ACYP2: variants seen among roughly 807,000 people sequenced by gnomAD.
The protein encoded by ACYP2 is acylphosphatase-2.
Under a neutral mutation model 11.2 loss-of-function variants are expected in ACYP2, and 12 were observed. That is an observed-to-expected ratio of 1.08 (90% confidence interval 0.69 to 1.74). The LOEUF (loss-of-function observed/expected upper bound fraction) is 1.74, where lower values mean the gene tolerates loss of function less well. Ranked by LOEUF, ACYP2 falls within the 40% of genes most tolerant of loss-of-function variation. The pLI is 0.00. For missense variants in ACYP2, 134 were observed against 101.9 expected (o/e 1.31, Z -1.35); for synonymous variants, 43 against 32.2 (o/e 1.33, Z -1.13).
intron 6 of ACYP2, among the ~76,000 whole-genome samples, chr2:54,239,911 TA>T (rs1686658075): frequency 6.6e-6 from 1 of 152,252 alleles, no homozygotes. Context: ...TCTTTATTTT[TA>T]AAATTCTTCT....
At chr2:54,255,425 C>A in intron 6 of ACYP2, 1 of 1,613,992 alleles carries the variant, frequency 6.2e-7, no homozygotes, top group Non-Finnish European at 8.5e-7. Context: ...CGAATGATGT[C>A]ATTCCTCTGC....
intron 2 of ACYP2, among the ~76,000 whole-genome samples, chr2:54,003,950 C>A (rs750286580): frequency 6.6e-6 from 1 of 151,876 alleles, no homozygotes; most frequent in Non-Finnish European, 1.5e-5. Flanking sequence ...CGTAGTGGTA[C>A]CTCTTTGTTT....
At chr2:54,084,673 C>A (rs1025215607) in intron 4 of ACYP2, 1 of 152,158 alleles carries the variant, frequency 6.6e-6, no homozygotes, top group Non-Finnish European at 1.5e-5. Context: ...CATTCACAAC[C>A]ACTGAAGCCA....
intron 6 of ACYP2, among the ~76,000 whole-genome samples, chr2:54,195,902 G>A (rs1727527): frequency 0.57 from 85,550 of 149,374 alleles, 24,789 homozygotes; most frequent in East Asian, 0.67. Context: ...GGTTCCAGCA[G>A]TTCTTCTGCC....
At chr2:54,036,626 A>T (rs142326859) in intron 2 of ACYP2, among the ~76,000 whole-genome samples, 250 of 152,300 alleles carry the variant, frequency 1.6e-3, no homozygotes, top group African/African-American at 5.8e-3. Context: ...CAAGATAGAG[A>T]TTTCTCATGG....
intron 2 of ACYP2, among the ~76,000 whole-genome samples, chr2:53,989,823 G>C (rs1573458055): frequency 6.6e-6 from 1 of 152,090 alleles, no homozygotes; most frequent in East Asian, 1.9e-4. Flanking sequence ...TGGCCATTAT[G>C]TCAAATACTA....
At chr2:54,285,988 A>C (rs1689061537) in intron 6 of ACYP2, among the ~76,000 whole-genome samples, 1 of 152,226 alleles carries the variant, frequency 6.6e-6, no homozygotes, top group South Asian at 2.1e-4. Flanking sequence ...TGATAAAGGA[A>C]TACAGATGCT....
At chr2:54,251,247 T>C (rs1224340408) in intron 6 of ACYP2, among the ~76,000 whole-genome samples, 1 of 152,236 alleles carries the variant, frequency 6.6e-6, no homozygotes, top group Admixed American at 6.5e-5. Context: ...ATGGGCCTAG[T>C]AAATGATCCT....
chr2:54,071,866 G>A (rs1185372544), intron 4 of ACYP2, among the ~76,000 whole-genome samples: 1 of 151,938 alleles, frequency 6.6e-6, no homozygotes, highest in African/African-American at 2.4e-5. Flanking sequence ...CAAAACTTAG[G>A]TGGGCATGGT....
intron 6 of ACYP2, chr2:54,254,761 G>A: frequency 1.5e-6 from 1 of 672,976 alleles, no homozygotes; most frequent in Non-Finnish European, 2.5e-6. Flanking sequence ...AGCCACCAAG[G>A]TCTCAATCTT....
rs143290541 is a variant in ACYP2 at position 54,194,005 on chromosome 2, C to A, written c.404+55257C>A. 3.0e-4 allele frequency among the ~76,000 whole-genome samples: 45 copies of A among 152,146 alleles called. No homozygotes were observed. In the East Asian group the frequency reaches 6.6e-3, roughly 22 times the overall value. On this transcript the variant is annotated intron_variant, in intron 6 of 6. Coordinates refer to ENST00000607452, the MANE Select transcript of ACYP2 (RefSeq NM_001320586.2). ...TTCCAAATAGGCATGATATATGAAG[C>A]CTTAGGACTGATCATCTTTCACCCC...
intron 6 of ACYP2, among the ~76,000 whole-genome samples, chr2:54,171,799 C>T (rs892528843): frequency 3.3e-5 from 5 of 152,082 alleles, no homozygotes; most frequent in South Asian, 2.1e-4. Context: ...AAGTTAAAAA[C>T]GGCTTTTTAG....
chr2:54,144,109 A>G (rs773956345), intron 6 of ACYP2, among the ~76,000 whole-genome samples: 1 of 152,082 alleles, frequency 6.6e-6, no homozygotes, highest in Non-Finnish European at 1.5e-5. Context: ...AGCTAGGAAT[A>G]CAGGTATGCA....
At chr2:54,051,482 C>T in intron 3 of ACYP2, 1 of 695,032 alleles carries the variant, frequency 1.4e-6, no homozygotes. Context: ...GATCCCAGTG[C>T]ACCCAAGAGG....
At chr2:54,133,929 C>T (rs1160651749) in intron 4 of ACYP2, among the ~76,000 whole-genome samples, 4 of 152,114 alleles carry the variant, frequency 2.6e-5, no homozygotes, top group East Asian at 3.9e-4. Context: ...AGATGAGACT[C>T]CTATAGTTTT....
chr2:54,265,234 C>T (rs1687961450), intron 6 of ACYP2, among the ~76,000 whole-genome samples: 1 of 152,022 alleles, frequency 6.6e-6, no homozygotes, highest in Non-Finnish European at 1.5e-5. Flanking sequence ...GCTGGGGAGG[C>T]CTCACAATCT....
intron 6 of ACYP2, among the ~76,000 whole-genome samples, chr2:54,226,694 T>A (rs543258332): frequency 6.6e-6 from 1 of 152,306 alleles, no homozygotes; most frequent in East Asian, 1.9e-4. Context: ...AATTTGATGT[T>A]CTTGTCCCAG....
chr2:54,246,529 T>C (rs1686959564), intron 6 of ACYP2, among the ~76,000 whole-genome samples: 1 of 152,186 alleles, frequency 6.6e-6, no homozygotes, highest in African/African-American at 2.4e-5. Context: ...ATCTTCCAAC[T>C]TTCTGTGTTT....
chr2:54,122,307 A>G (rs865899440), intron 4 of ACYP2, among the ~76,000 whole-genome samples: 81 of 152,352 alleles, frequency 5.3e-4, no homozygotes, highest in Middle Eastern at 3.4e-3. Context: ...CTTTGCAAAC[A>G]TTCCTCTCAG....
Sources: allele counts gnomAD v4.1 joint callset (sites outside exome capture counted in the v4.1 genomes callset), GRCh38; gene constraint gnomAD v4.1.1; transcripts MANE v1.5; gene names NCBI Gene and HGNC (gene_info 2026-07-23, HGNC 2026-07-21).